The following KCNIP4 variants were observed in gnomAD, a reference collection of about 807,000 sequenced individuals.
KCNIP4 encodes Kv channel-interacting protein 4.
Under a neutral mutation model 34.0 loss-of-function variants are expected in KCNIP4, and 12 were observed. The ratio of observed to expected loss-of-function variants is 0.35; its 90% CI spans 0.23 to 0.57. The LOEUF is 0.57. Among genes scored for constraint, KCNIP4 ranks in the 20% least tolerant of loss-of-function variants. The pLI, the probability that KCNIP4 is intolerant of heterozygous loss-of-function variation, is 0.83. For synonymous variants in KCNIP4, 124 were observed against 102.2 expected (o/e 1.21, Z -1.29); for missense variants, 238 against 311.7 (o/e 0.76, Z 1.78).
intron 1 of KCNIP4, among the ~76,000 whole-genome samples, chr4:21,453,964 G>T (rs1433992708): frequency 6.6e-6 from 1 of 151,976 alleles, no homozygotes; most frequent in African/African-American, 2.4e-5. Flanking sequence ...GACCTCTGAG[G>T]CTTGTTGGGA....
intron 1 of KCNIP4, among the ~76,000 whole-genome samples, chr4:21,721,801 T>C (rs896354491): frequency 6.6e-6 from 1 of 152,168 alleles, no homozygotes; most frequent in Non-Finnish European, 1.5e-5. Flanking sequence ...GCCATTCACA[T>C]GGCTAACACA....
intron 1 of KCNIP4, among the ~76,000 whole-genome samples, chr4:21,433,761 CT>C (rs1235541534): frequency 6.6e-6 from 1 of 152,158 alleles, no homozygotes; most frequent in Non-Finnish European, 1.5e-5. Context: ...CCTTCCTAAT[CT>C]GAATCTCTTT....
At chr4:21,490,819 A>G (rs1430818250) in intron 1 of KCNIP4, among the ~76,000 whole-genome samples, 2 of 152,170 alleles carry the variant, frequency 1.3e-5, no homozygotes, top group Non-Finnish European at 2.9e-5. Context: ...ACAGATGCAT[A>G]GAGGATGCAG....
intron 1 of KCNIP4, among the ~76,000 whole-genome samples, chr4:21,773,417 A>G (rs1718939737): frequency 6.6e-6 from 1 of 152,160 alleles, no homozygotes; most frequent in Non-Finnish European, 1.5e-5. Flanking sequence ...ATAATTCTGT[A>G]GCTGTATACT....
chr4:21,370,214 G>C (rs964377214), intron 1 of KCNIP4, among the ~76,000 whole-genome samples: 12 of 147,452 alleles, frequency 8.1e-5, no homozygotes, highest in Non-Finnish European at 1.3e-4. Context: ...TAAGTAGATA[G>C]ATATTGAGGT....
chr4:21,295,191 A>G (rs537455369), intron 1 of KCNIP4, among the ~76,000 whole-genome samples: 37 of 152,282 alleles, frequency 2.4e-4, no homozygotes, highest in Non-Finnish European at 4.7e-4. Flanking sequence ...AGATCAATGA[A>G]GAGCAGTGAA....
At chr4:21,605,856 C>A (rs975289052) in intron 1 of KCNIP4, among the ~76,000 whole-genome samples, 1 of 152,080 alleles carries the variant, frequency 6.6e-6, no homozygotes, top group Non-Finnish European at 1.5e-5. Context: ...TCCCTGACCA[C>A]CATCAAAAAA....
chr4:21,085,525 C>T (rs1197532980), intron 1 of KCNIP4, among the ~76,000 whole-genome samples: 1 of 152,140 alleles, frequency 6.6e-6, no homozygotes, highest in East Asian at 1.9e-4. Flanking sequence ...CAGACAATTT[C>T]CTGCCTCCAT....
chr4:21,636,997 G>A (rs1220991132), intron 1 of KCNIP4, among the ~76,000 whole-genome samples: 1 of 152,022 alleles, frequency 6.6e-6, no homozygotes, highest in East Asian at 1.9e-4. Flanking sequence ...GCTATTTTTT[G>A]TTACTCAAGC....
At chr4:21,627,147 A>T (rs1324117482) in intron 1 of KCNIP4, among the ~76,000 whole-genome samples, 1 of 152,014 alleles carries the variant, frequency 6.6e-6, no homozygotes. Flanking sequence ...TTGTGTGTAG[A>T]TTCCAAAATC....
intron 1 of KCNIP4, among the ~76,000 whole-genome samples, chr4:21,508,181 C>A (rs557454541): frequency 6.6e-6 from 1 of 152,232 alleles, no homozygotes; most frequent in East Asian, 1.9e-4. Flanking sequence ...CTTAAGGATG[C>A]AACTCTCAAA....
chr4:21,016,304 C>CTTTT (rs112678208), intron 1 of KCNIP4, among the ~76,000 whole-genome samples: 1 of 142,494 alleles, frequency 7.0e-6, no homozygotes, highest in African/African-American at 2.6e-5. Context: ...TTTCTTTTTT[C>CTTTT]TTTTTTTTTT....
chr4:21,836,342 T>C (rs1351379727), intron 1 of KCNIP4, among the ~76,000 whole-genome samples: 1 of 152,122 alleles, frequency 6.6e-6, no homozygotes, highest in Non-Finnish European at 1.5e-5. Context: ...TGCCTGAAAG[T>C]AGAAAGCCTA....
intron 1 of KCNIP4, among the ~76,000 whole-genome samples, chr4:21,788,944 G>A (rs1362279710): frequency 6.6e-6 from 1 of 151,746 alleles, no homozygotes; most frequent in East Asian, 1.9e-4. Flanking sequence ...GTGGCGGCGC[G>A]CGTCTGTAGT....
chr4:20,772,852 T>G (rs1034459041), intron 3 of KCNIP4, among the ~76,000 whole-genome samples: 9 of 151,910 alleles, frequency 5.9e-5, no homozygotes, highest in African/African-American at 2.2e-4. Flanking sequence ...CATGCTAATC[T>G]CGAACTCCTG....
At chr4:21,435,364 T>C (rs929961420) in intron 1 of KCNIP4, among the ~76,000 whole-genome samples, 1 of 152,162 alleles carries the variant, frequency 6.6e-6, no homozygotes, top group African/African-American at 2.4e-5. Context: ...GGAAGGGCTT[T>C]GTTTAAAGGT....
rs115240641 is a variant in KCNIP4 at position 20,832,305 on chromosome 4, T to A, written c.288+18238A>T. 3.2e-3 allele frequency among the ~76,000 whole-genome samples: 482 copies of A among 152,152 alleles called. 6 individuals are homozygous for A. Among genetic ancestry groups the A allele is most frequent in the African/African-American group, 0.011 (466 of 41,516 alleles). On this transcript the variant is annotated intron_variant, in intron 3 of 8. Transcript: ENST00000382152. ...TAAATAACTAGATAATTGCCTAGAGTTGAAGTGGTGTATTCAGGAACTTCA... is the reference window on the plus strand; with the variant it reads ...TAAATAACTAGATAATTGCCTAGAGATGAAGTGGTGTATTCAGGAACTTCA...
intron 1 of KCNIP4, among the ~76,000 whole-genome samples, chr4:20,958,939 A>T (rs1733589923): frequency 6.6e-6 from 1 of 152,212 alleles, no homozygotes. Context: ...AGCGCTGGGG[A>T]TTAACCTTTA....
intron 1 of KCNIP4, among the ~76,000 whole-genome samples, chr4:21,701,885 G>A (rs535754690): frequency 6.6e-6 from 1 of 152,116 alleles, no homozygotes; most frequent in South Asian, 2.1e-4. Context: ...TATATTTTTA[G>A]TAGAGACAGG....
Sources: gnomAD v4.1 joint callset for allele counts (sites outside exome capture counted in the v4.1 genomes callset) on GRCh38, gnomAD v4.1.1 for gene constraint, MANE v1.5 for transcripts, NCBI Gene and HGNC (gene_info 2026-07-23, HGNC 2026-07-21) for gene names.